SV2C: variants seen among roughly 807,000 people sequenced by gnomAD.
SV2C encodes synaptic vesicle glycoprotein 2C.
Under a neutral mutation model 79.7 loss-of-function variants are expected in SV2C, and 49 were observed. The ratio of observed to expected loss-of-function variants is 0.61; its 90% CI spans 0.49 to 0.78. The LOEUF (loss-of-function observed/expected upper bound fraction) is 0.78. SV2C is among the 30% of genes least tolerant of loss of function. The pLI, the probability that SV2C is intolerant of heterozygous loss-of-function variation, is 0.00. For missense variants in SV2C, 833 were observed against 912.9 expected, an observed-to-expected ratio of 0.91 and a Z score of 1.13; for synonymous variants, 334 against 333.2, an observed-to-expected ratio of 1.00 and a Z score of -0.03.
chr5:76,296,512 A>ATGAC (rs1416110004), intron 9 of SV2C, among the ~76,000 whole-genome samples: 1 of 152,200 alleles, frequency 6.6e-6, no homozygotes. Flanking sequence ...ATACTTCTTG[A>ATGAC]TGACAAGAGA....
At chr5:76,029,834 A>T in the SV2C span, among the ~76,000 whole-genome samples, 1 of 152,212 alleles carries the variant, frequency 6.6e-6, no homozygotes. Flanking sequence ...AAAAATCAGC[A>T]GAATGTCAGC....
At chr5:75,852,837 A>AAAAG in the SV2C span, among the ~76,000 whole-genome samples, 12 of 145,686 alleles carry the variant, frequency 8.2e-5, no homozygotes, top group African/African-American at 2.7e-4. Flanking sequence ...AAAAAAAAAA[A>AAAAG]AAAAAAGAAA....
intron 1 of SV2C, among the ~76,000 whole-genome samples, chr5:76,117,288 G>T (rs1748299091): frequency 6.6e-6 from 1 of 152,056 alleles, no homozygotes; most frequent in African/African-American, 2.4e-5. Flanking sequence ...CTATATATAG[G>T]TATGTATTTT....
At chr5:75,963,426 C>A in the SV2C span, among the ~76,000 whole-genome samples, 1 of 152,036 alleles carries the variant, frequency 6.6e-6, no homozygotes, top group Non-Finnish European at 1.5e-5. Context: ...GTATGTAAAT[C>A]CGGGTTCAAA....
intron 4 of SV2C, among the ~76,000 whole-genome samples, chr5:76,230,917 G>A (rs117507419): frequency 2.6e-5 from 4 of 152,322 alleles, no homozygotes; most frequent in East Asian, 1.9e-4. Context: ...TTGGGTTCTC[G>A]AAGCCTCAGT....
downstream of SV2C, among the ~76,000 whole-genome samples, chr5:76,335,020 A>G (rs1749283175): frequency 6.6e-6 from 1 of 152,228 alleles, no homozygotes; most frequent in South Asian, 2.1e-4. Context: ...AGCTATTTAT[A>G]TTTAAACTTA....
At chr5:76,027,091 C>T in the SV2C span, among the ~76,000 whole-genome samples, 17 of 105,946 alleles carry the variant, frequency 1.6e-4, no homozygotes, top group Admixed American at 1.6e-3. Flanking sequence ...GACGGAGTTT[C>T]GCTCTTGTTG....
the SV2C span, chr5:75,921,063 G>C: frequency 2.9e-5 from 22 of 748,190 alleles, no homozygotes; most frequent in Middle Eastern, 3.0e-4. Flanking sequence ...TTGTAGTAGC[G>C]GGCAGTGTCA....
At chr5:76,052,515 G>C in the SV2C span, among the ~76,000 whole-genome samples, 2 of 152,192 alleles carry the variant, frequency 1.3e-5, no homozygotes, top group East Asian at 3.9e-4. Context: ...AAGCCCTAAG[G>C]TGCTGTGACT....
At chr5:76,207,074 C>G (rs921712008) in intron 3 of SV2C, among the ~76,000 whole-genome samples, 16 of 151,924 alleles carry the variant, frequency 1.1e-4, no homozygotes, top group African/African-American at 3.9e-4. Context: ...CCTAGAAGCC[C>G]CTACAAGTTG....
At chr5:75,898,137 G>A in the SV2C span, among the ~76,000 whole-genome samples, 3 of 152,170 alleles carry the variant, frequency 2.0e-5, no homozygotes, top group African/African-American at 7.2e-5. Flanking sequence ...GGGCATCCCT[G>A]TCTTGTGCCA....
chr5:76,184,489 C>A (rs4640774), intron 2 of SV2C, among the ~76,000 whole-genome samples: 6 of 151,990 alleles, frequency 3.9e-5, no homozygotes, highest in Non-Finnish European at 7.4e-5. Flanking sequence ...AAAGAAATAA[C>A]TGAGACTGAA....
chr5:76,045,126 C>T, the SV2C span, among the ~76,000 whole-genome samples: 271 of 152,232 alleles, frequency 1.8e-3, 2 homozygotes, highest in Admixed American at 4.1e-3. Flanking sequence ...CAATTTTCAG[C>T]GTATGGCTAA....
chr5:76,242,161 C>T (rs1745805933), intron 4 of SV2C: 3 of 1,217,214 alleles, frequency 2.5e-6, no homozygotes, highest in Non-Finnish European at 3.6e-6. Flanking sequence ...CCCTTCTTTG[C>T]AGGGGCCTTT....
In SV2C at chr5:76,083,440, C is replaced by T. The variant is rs1392620055; in HGVS notation, c.-174C>T. The T allele has an allele frequency of 2.0e-5, 3 of 152,548 alleles. No homozygotes were observed. The South Asian group carries it at 6.2e-4, about 32-fold the overall frequency. 9.4% of individuals were successfully genotyped at this position (152,548 alleles called of 1,614,324 possible). A position where few individuals can be genotyped will look rare whatever the true frequency, so the allele number is the denominator to read the frequency against. On this transcript the variant is annotated 5_prime_UTR_variant, in exon 1 of 13. Transcript: ENST00000502798. The stretch of plus-strand genomic sequence containing the variant: ...ACGGAGGCAGCCCGGGGAAGCGAGC[C>T]GGAGCGGCGCCCGCACTGAGGCGGC...
chr5:76,323,396 G>T (rs1389540609), intron 12 of SV2C, among the ~76,000 whole-genome samples: 4 of 152,220 alleles, frequency 2.6e-5, no homozygotes, highest in African/African-American at 4.8e-5. Context: ...ATAGATGCTA[G>T]CGAGGCTGTG....
At chr5:75,948,685 G>C in the SV2C span, among the ~76,000 whole-genome samples, 1 of 151,988 alleles carries the variant, frequency 6.6e-6, no homozygotes, top group Non-Finnish European at 1.5e-5. Flanking sequence ...CAAATATCTG[G>C]AGAAGGGATG....
At chr5:76,170,516 G>GT (rs1743189227) in intron 2 of SV2C, among the ~76,000 whole-genome samples, 1 of 125,880 alleles carries the variant, frequency 7.9e-6, no homozygotes, top group Non-Finnish European at 1.7e-5. Context: ...TACAAAAATT[G>GT]TTAAATCATT....
At chr5:76,208,062 G>A (rs569523646) in intron 3 of SV2C, among the ~76,000 whole-genome samples, 1 of 152,186 alleles carries the variant, frequency 6.6e-6, no homozygotes, top group South Asian at 2.1e-4. Context: ...AAGACAGGTT[G>A]AGTCACACCT....
Sources: allele counts gnomAD v4.1 joint callset (sites outside exome capture counted in the v4.1 genomes callset), GRCh38; gene constraint gnomAD v4.1.1; transcripts MANE v1.5; gene names NCBI Gene and HGNC (gene_info 2026-07-23, HGNC 2026-07-21).